Variants in NRIP1 observed in about 807,000 individuals in gnomAD.
NRIP1 encodes the protein nuclear receptor-interacting protein 1.
In NRIP1, 28 loss-of-function variants were observed where a neutral mutation model predicts 75.0. The ratio of observed to expected loss-of-function variants is 0.37; its 90% CI spans 0.28 to 0.51. The LOEUF is 0.51. NRIP1 is among the 20% of genes least tolerant of loss of function. NRIP1 has a pLI of 0.92. For synonymous variants in NRIP1, 526 were observed against 487.6 expected (o/e 1.08, Z -1.04); for missense variants, 1,435 against 1,343.7 (o/e 1.07, Z -1.06).
intron 2 of NRIP1, among the ~76,000 whole-genome samples, chr21:15,024,497 G>A (rs1035129973): frequency 3.3e-5 from 5 of 151,924 alleles, no homozygotes; most frequent in African/African-American, 4.8e-5. Flanking sequence ...AGCTGAGAAC[G>A]CATCACTGCA....
chr21:14,964,693 C>G lies in NRIP1; in HGVS notation c.*23G>C. 2 of 1,490,686 alleles carry G rather than the reference C, an allele frequency of 1.3e-6. No homozygotes were observed. Among genetic ancestry groups the G allele is most frequent in the South Asian group, 1.4e-5 (1 of 72,110 alleles). The allele number at this position is 1,490,686 out of a possible 1,614,324, so 92.3% of individuals were successfully genotyped here. On this transcript the variant is annotated 3_prime_UTR_variant, in exon 4 of 4. Transcript: ENST00000318948. ...CATACTCATTAGTTTTAAAAAGATC[C>G]AAAACTGGATGGCAGGTACATTTTA...
rs781151257 is a variant in NRIP1 at position 14,965,803 on chromosome 21, A to G, written c.2390T>C (p.Val797Ala). Residue 797 changes from valine to alanine, a missense_variant, in exon 4 of 4, where the codon GTG (valine) becomes GCG (alanine). Val to Ala is a moderately conservative substitution (Grantham distance 64, BLOSUM62 0). Transcript: ENST00000318948. ...AVQRSAPALP[V>A]SEDFKSEPVS... ...AGGCTCCGATTTAAAGTCTTCGGAC[A>G]CTGGTAAGGCAGGTGCGCTTCTCTG... is the stretch of plus-strand genomic sequence containing the variant. The G allele has an allele frequency of 6.2e-7, 1 of 1,614,022 alleles. No homozygotes were observed. The highest frequency in any genetic ancestry group is 8.5e-7 in the Non-Finnish European group (1 of 1,179,956).
chr21:14,987,161 C>T (rs1247552841), intron 3 of NRIP1, among the ~76,000 whole-genome samples: 1 of 152,160 alleles, frequency 6.6e-6, no homozygotes, highest in Non-Finnish European at 1.5e-5. Context: ...CTACCATTTA[C>T]CAACTCTTTG....
intron 3 of NRIP1, among the ~76,000 whole-genome samples, chr21:14,986,623 T>C (rs964461129): frequency 2.0e-4 from 30 of 152,344 alleles, no homozygotes; most frequent in African/African-American, 6.7e-4. Flanking sequence ...CCTAGTGTTC[T>C]AAAATGCATA....
At chr21:15,008,293 G>A (rs2088021448) in intron 3 of NRIP1, among the ~76,000 whole-genome samples, 1 of 152,146 alleles carries the variant, frequency 6.6e-6, no homozygotes, top group South Asian at 2.1e-4. Context: ...AGGAGAGAAG[G>A]AAAGACTTGA....
intron 3 of NRIP1, among the ~76,000 whole-genome samples, chr21:14,989,854 A>G (rs2087520146): frequency 6.6e-6 from 1 of 152,174 alleles, no homozygotes; most frequent in Non-Finnish European, 1.5e-5. Context: ...CATATTCAAA[A>G]AGAACAATTC....
chr21:14,980,375 G>A (rs1304295664), intron 3 of NRIP1, among the ~76,000 whole-genome samples: 1 of 152,040 alleles, frequency 6.6e-6, no homozygotes, highest in East Asian at 1.9e-4. Context: ...TCAGGAGGCT[G>A]AGGCACGAGA....
chr21:15,017,595 G>C (rs949801494), intron 2 of NRIP1, among the ~76,000 whole-genome samples: 2 of 152,156 alleles, frequency 1.3e-5, no homozygotes, highest in African/African-American at 4.8e-5. Context: ...AGGAAACTGG[G>C]TTTAAGTTAC....
intron 2 of NRIP1, among the ~76,000 whole-genome samples, chr21:15,030,105 T>G (rs1600895336): frequency 2.0e-5 from 3 of 152,270 alleles, no homozygotes; most frequent in Admixed American, 2.0e-4. Context: ...TTATGACCAG[T>G]GAAGTTGACA....
intron 2 of NRIP1, among the ~76,000 whole-genome samples, chr21:15,038,426 T>C (rs1302160191): frequency 2.6e-5 from 4 of 152,008 alleles, no homozygotes; most frequent in South Asian, 4.1e-4. Flanking sequence ...GCCTGATCTA[T>C]ACTAAGATAC....
chr21:14,975,132 G>A lies in NRIP1; in HGVS notation c.-334-6606C>T, dbSNP rs147843452. 3.5e-3 allele frequency among the ~76,000 whole-genome samples: 530 copies of A among 152,084 alleles called. 5 individuals are homozygous for A. The highest frequency in any genetic ancestry group is 5.6e-3 in the Non-Finnish European group (383 of 67,950). On this transcript the variant is annotated intron_variant, in intron 3 of 3. Transcript: ENST00000318948. ...TGTGGAAAGAAAGAACAGGAAGGAC[G>A]AATGGATGGAAGGAAGGAAACATTC...
At position 14,966,308 on chromosome 21, in the gene NRIP1, T is replaced by G. The variant is rs1325426148; in HGVS notation, c.1885A>C (p.Lys629Gln). The change falls in exon 4 of 4, where the codon AAG becomes CAG. Residue 629 changes from lysine to glutamine, a missense_variant. Coordinates refer to ENST00000318948, the MANE Select transcript of NRIP1 (RefSeq NM_003489.4). ...AQNSATFSAS[K>Q]LLQNLAQCGM... ...CATTGTGCTAAATTTTGTAACAGCT[T>G]ACTGGCACTAAACGTTGCAGAGTTC... 1 of 1,614,144 alleles carries G rather than the reference T, an allele frequency of 6.2e-7. No homozygotes were observed. The highest frequency in any genetic ancestry group is 8.5e-7 in the Non-Finnish European group (1 of 1,179,992).
At chr21:14,980,905 C>A (rs1345480651) in intron 3 of NRIP1, among the ~76,000 whole-genome samples, 1 of 152,070 alleles carries the variant, frequency 6.6e-6, no homozygotes, top group Admixed American at 6.6e-5. Context: ...AAAATTATGT[C>A]AAATTATCAA....
At chr21:14,986,754 T>C (rs1378979814) in intron 3 of NRIP1, among the ~76,000 whole-genome samples, 1 of 152,220 alleles carries the variant, frequency 6.6e-6, no homozygotes, top group African/African-American at 2.4e-5. Context: ...ATTTTATTCA[T>C]TTGAACTAAC....
At chr21:14,995,094 G>C (rs2087685057) in intron 3 of NRIP1, among the ~76,000 whole-genome samples, 1 of 152,090 alleles carries the variant, frequency 6.6e-6, no homozygotes, top group Admixed American at 6.5e-5. Context: ...TACAGCTTCT[G>C]ATCCAAATAA....
chr21:15,015,625 T>C (rs1299907479), intron 2 of NRIP1, among the ~76,000 whole-genome samples: 1 of 152,048 alleles, frequency 6.6e-6, no homozygotes, highest in Non-Finnish European at 1.5e-5. Flanking sequence ...AACTACAGTA[T>C]ATTACATCAT....
intron 3 of NRIP1, among the ~76,000 whole-genome samples, chr21:15,009,859 G>A (rs561118391): frequency 6.6e-6 from 1 of 152,126 alleles, no homozygotes; most frequent in East Asian, 1.9e-4. Flanking sequence ...TTTTTAAAAA[G>A]ACAATAAAAG....
chr21:15,041,146 T>C (rs550023220), intron 2 of NRIP1, among the ~76,000 whole-genome samples: 122 of 151,984 alleles, frequency 8.0e-4, no homozygotes, highest in Non-Finnish European at 1.4e-3. Flanking sequence ...AATCATAGAA[T>C]AGAACATAGA....
chr21:15,030,726 T>C (rs769152299), intron 2 of NRIP1, among the ~76,000 whole-genome samples: 13 of 152,122 alleles, frequency 8.5e-5, no homozygotes, highest in African/African-American at 2.7e-4. Flanking sequence ...GAGAGGAGGA[T>C]AGGTGGTAAG....
Sources: gnomAD v4.1 joint callset for allele counts (sites outside exome capture counted in the v4.1 genomes callset) on GRCh38, gnomAD v4.1.1 for gene constraint, MANE v1.5 for transcripts, NCBI Gene and HGNC (gene_info 2026-07-23, HGNC 2026-07-21) for gene names.